The following CYP2C19 variants were observed in gnomAD, a reference collection of about 807,000 sequenced individuals.
CYP2C19 encodes cytochrome P450 family 2 subfamily C member 19, also known as cytochrome P450 2C19.
Under a neutral mutation model 40.9 loss-of-function variants are expected in CYP2C19, and 59 were observed. The observed-to-expected ratio is 1.44, with a 90% CI of 1.17 to 1.79. CYP2C19 has a LOEUF of 1.79. Ranked by LOEUF, CYP2C19 falls within the 40% of genes most tolerant of loss-of-function variation. The pLI is 0.00. For missense variants in CYP2C19, 754 were observed against 596.9 expected (o/e 1.26, Z -2.74); for synonymous variants, 253 against 208.7 (o/e 1.21, Z -1.83).
At position 94,854,082 on chromosome 10, in the gene CYP2C19, G is replaced by A. The variant is rs939918322; in HGVS notation, c.*1168G>A. 5.4e-5 allele frequency among the ~76,000 whole-genome samples: 8 copies of A among 147,012 alleles called. No homozygotes were observed. The South Asian group carries it at 8.7e-4, about 16-fold the overall frequency. ...TCCCCAGGCTGGAGTGCAATGGTGCGATCTCGGCTCACTGCAATCTCCACC... is the reference window on the plus strand; with the variant it reads ...TCCCCAGGCTGGAGTGCAATGGTGCAATCTCGGCTCACTGCAATCTCCACC... On this transcript the variant is annotated 3_prime_UTR_variant, in exon 9 of 9. Coordinates refer to ENST00000371321, the MANE Select transcript of CYP2C19 (RefSeq NM_000769.4).
At chr10:94,794,064 C>A (rs558492495) in intron 5 of CYP2C19, among the ~76,000 whole-genome samples, 1 of 152,098 alleles carries the variant, frequency 6.6e-6, no homozygotes, top group Non-Finnish European at 1.5e-5. Context: ...AAGTGGTGGA[C>A]GCCCATCCCC....
chr10:94,786,978 T>G (rs1284624919), intron 5 of CYP2C19, among the ~76,000 whole-genome samples: 1 of 152,180 alleles, frequency 6.6e-6, no homozygotes, highest in Non-Finnish European at 1.5e-5. Context: ...TGTGTCTTTT[T>G]GGTATAACAA....
At chr10:94,805,084 A>G (rs924439003) in intron 5 of CYP2C19, among the ~76,000 whole-genome samples, 3 of 152,072 alleles carry the variant, frequency 2.0e-5, no homozygotes, top group African/African-American at 4.8e-5. Flanking sequence ...AGAACTTCCA[A>G]TACTATATTT....
intron 6 of CYP2C19, among the ~76,000 whole-genome samples, chr10:94,833,196 A>G (rs1365854934): frequency 1.3e-5 from 2 of 152,172 alleles, no homozygotes; most frequent in Non-Finnish European, 2.9e-5. Flanking sequence ...AGGTTATATC[A>G]TCTGCACACA....
At chr10:94,815,834 A>G (rs1203998403) in intron 5 of CYP2C19, among the ~76,000 whole-genome samples, 1 of 152,170 alleles carries the variant, frequency 6.6e-6, no homozygotes, top group Non-Finnish European at 1.5e-5. Context: ...TTTTTATACA[A>G]TTTCAACTTT....
chr10:94,818,012 CAAAAAAAAAA>C (rs71031597), intron 5 of CYP2C19, among the ~76,000 whole-genome samples: 2 of 77,150 alleles, frequency 2.6e-5, no homozygotes, highest in Non-Finnish European at 5.0e-5. Context: ...GACTCCATCT[CAAAAAAAAAA>C]AAAAAAAAAA....
intron 5 of CYP2C19, among the ~76,000 whole-genome samples, chr10:94,801,115 G>A (rs997416593): frequency 2.6e-5 from 4 of 152,172 alleles, no homozygotes; most frequent in Admixed American, 2.0e-4. Flanking sequence ...CATGCTGGGA[G>A]CTGCAGACCA....
intron 7 of CYP2C19, among the ~76,000 whole-genome samples, chr10:94,844,305 T>A (rs1564684125): frequency 6.6e-6 from 1 of 152,216 alleles, no homozygotes; most frequent in Non-Finnish European, 1.5e-5. Flanking sequence ...TTCATTCCTC[T>A]CCCATCGGCA....
chr10:94,808,611 A>G (rs1848869396), intron 5 of CYP2C19, among the ~76,000 whole-genome samples: 1 of 152,076 alleles, frequency 6.6e-6, no homozygotes, highest in Non-Finnish European at 1.5e-5. Context: ...TCTGGTAACC[A>G]TCTTTCTACC....
chr10:94,799,737 T>A (rs1848738125), intron 5 of CYP2C19, among the ~76,000 whole-genome samples: 1 of 152,180 alleles, frequency 6.6e-6, no homozygotes, highest in Non-Finnish European at 1.5e-5. Flanking sequence ...TCACTTTATT[T>A]CTTTATTTAA....
intron 5 of CYP2C19, among the ~76,000 whole-genome samples, chr10:94,784,228 C>T (rs1848513077): frequency 1.4e-4 from 1 of 7,192 alleles, no homozygotes; most frequent in East Asian, 9.8e-3. Context: ...TATATCTGTA[C>T]TTCATTCTTT....
intron 4 of CYP2C19, among the ~76,000 whole-genome samples, chr10:94,781,025 A>G (rs1476868567): frequency 6.6e-6 from 1 of 152,070 alleles, no homozygotes; most frequent in Non-Finnish European, 1.5e-5. Context: ...CCTTCAATTC[A>G]CACTTTGTCA....
intron 6 of CYP2C19, among the ~76,000 whole-genome samples, chr10:94,826,132 G>A (rs1176244090): frequency 4.6e-5 from 7 of 152,222 alleles, no homozygotes; most frequent in East Asian, 1.9e-4. Context: ...GAATGACTTG[G>A]TGATGCGGGC....
chr10:94,818,606 A>G (rs1283451488), intron 5 of CYP2C19, among the ~76,000 whole-genome samples: 1 of 144,336 alleles, frequency 6.9e-6, no homozygotes, highest in Non-Finnish European at 1.5e-5. Context: ...GGTCCTTCAC[A>G]TCCCTTGTAA....
chr10:94,811,019 T>C (rs139162380), intron 5 of CYP2C19, among the ~76,000 whole-genome samples: 2,004 of 152,310 alleles, frequency 0.013, 40 homozygotes, highest in African/African-American at 0.044. Flanking sequence ...TCTGGACATT[T>C]AGTGCTATAA....
intron 6 of CYP2C19, among the ~76,000 whole-genome samples, chr10:94,830,996 C>G (rs1391956534): frequency 1.3e-5 from 2 of 152,138 alleles, no homozygotes; most frequent in African/African-American, 2.4e-5. Flanking sequence ...AATAGTAGGT[C>G]TTATTCATCC....
intron 2 of CYP2C19, 61 bp downstream of exon 2, chr10:94,775,281 C>G: frequency 1.9e-6 from 3 of 1,613,020 alleles, no homozygotes; most frequent in East Asian, 2.2e-5. Context: ...GGAAAACAGA[C>G]TAGCAGAGCT....
chr10:94,792,113 T>C (rs190315568), intron 5 of CYP2C19, among the ~76,000 whole-genome samples: 62 of 152,264 alleles, frequency 4.1e-4, no homozygotes, highest in African/African-American at 1.4e-3. Flanking sequence ...TTTACCATTA[T>C]ATATTGGCCT....
intron 6 of CYP2C19, among the ~76,000 whole-genome samples, chr10:94,836,117 C>G (rs1034336267): frequency 1.3e-5 from 2 of 152,254 alleles, no homozygotes; most frequent in African/African-American, 4.8e-5. Context: ...AGCACTGGCT[C>G]TTCAAGTAAT....
Sources: allele counts gnomAD v4.1 joint callset (sites outside exome capture counted in the v4.1 genomes callset), GRCh38; gene constraint gnomAD v4.1.1; transcripts MANE v1.5; gene names NCBI Gene and HGNC (gene_info 2026-07-23, HGNC 2026-07-21).